SLC38A9: variants seen among roughly 807,000 people sequenced by gnomAD.
SLC38A9 encodes the protein neutral amino acid transporter 9.
In SLC38A9, 48 loss-of-function variants were observed where a neutral mutation model predicts 62.3. That is an observed-to-expected ratio of 0.77 (90% confidence interval 0.61 to 0.98). The LOEUF (loss-of-function observed/expected upper bound fraction) is 0.98, where lower values mean the gene tolerates loss of function less well. Ranked by LOEUF, SLC38A9 falls within the 50% of genes least tolerant of loss-of-function variation. The pLI, the probability that SLC38A9 is intolerant of heterozygous loss-of-function variation, is 0.00. For missense variants in SLC38A9, 541 were observed against 679.8 expected, an observed-to-expected ratio of 0.80 and a Z score of 2.27; for synonymous variants, 204 against 227.7, an observed-to-expected ratio of 0.90 and a Z score of 0.94.
At chr5:55,681,734 G>C (rs1017039646) in intron 3 of SLC38A9, among the ~76,000 whole-genome samples, 1 of 152,190 alleles carries the variant, frequency 6.6e-6, no homozygotes, top group African/African-American at 2.4e-5. Context: ...GCAGTACGAA[G>C]TACAAGTCCC....
At chr5:55,701,040 C>T (rs1756578262) in intron 2 of SLC38A9, among the ~76,000 whole-genome samples, 1 of 152,064 alleles carries the variant, frequency 6.6e-6, no homozygotes, top group East Asian at 1.9e-4. Flanking sequence ...TTAGGTGTGG[C>T]TACTTAAATT....
Position 55,687,065 on chromosome 5 carries a change from G to GTTT in SLC38A9, c.113+10778_113+10780dup, listed in dbSNP as rs56912932. On this transcript the variant is annotated intron_variant, in intron 3 of 15. Transcript: ENST00000396865. ...TGGATAGCATGATGCCTCCAGCTTT[G>GTTT]TTTTTTTTTTTTTTTTTTTTTTTTT... Among the ~76,000 whole-genome samples, 61 of 125,684 alleles carry GTTT rather than the reference G, an allele frequency of 4.9e-4. 3 individuals carry two copies. Among genetic ancestry groups the GTTT allele is most frequent in the African/African-American group, 1.6e-3 (52 of 31,552 alleles). The allele number at this position is 125,684 out of a possible 152,430, so 82.5% of individuals were successfully genotyped here.
intron 12 of SLC38A9, among the ~76,000 whole-genome samples, chr5:55,639,671 G>T (rs1383363645): frequency 6.6e-6 from 1 of 151,966 alleles, no homozygotes; most frequent in East Asian, 1.9e-4. Context: ...TTGCTTAAAG[G>T]TATAATCATT....
At chr5:55,632,760 A>G (rs1466730843) in intron 14 of SLC38A9, among the ~76,000 whole-genome samples, 26 of 152,206 alleles carry the variant, frequency 1.7e-4, no homozygotes, top group Admixed American at 1.6e-3. Context: ...ACTGCAGGTC[A>G]TAAGACTCCC....
At chr5:55,683,129 A>G (rs1753265910) in intron 3 of SLC38A9, among the ~76,000 whole-genome samples, 1 of 152,206 alleles carries the variant, frequency 6.6e-6, no homozygotes, top group Non-Finnish European at 1.5e-5. Context: ...AAGCAGCACA[A>G]TAAATTACAT....
intron 1 of SLC38A9, among the ~76,000 whole-genome samples, chr5:55,711,907 A>G (rs1201445509): frequency 6.6e-6 from 1 of 152,100 alleles, no homozygotes; most frequent in African/African-American, 2.4e-5. Flanking sequence ...CCCCAACCCT[A>G]TCTTTTCTCT....
At chr5:55,685,835 A>G (rs538480474) in intron 3 of SLC38A9, among the ~76,000 whole-genome samples, 24 of 152,034 alleles carry the variant, frequency 1.6e-4, no homozygotes, top group Admixed American at 2.6e-4. Flanking sequence ...CTATGTGTCC[A>G]TGGTGTTCTT....
chr5:55,655,598 G>C (rs919840034), intron 9 of SLC38A9, among the ~76,000 whole-genome samples: 2 of 152,096 alleles, frequency 1.3e-5, no homozygotes, highest in African/African-American at 4.8e-5. Context: ...GGTTTAATTA[G>C]GGGGAAAAGT....
chr5:55,688,411 A>C (rs13159472), intron 3 of SLC38A9, among the ~76,000 whole-genome samples: 4 of 136,828 alleles, frequency 2.9e-5, no homozygotes, highest in African/African-American at 5.5e-5. Context: ...AGACAGTCTC[A>C]CTCTGTTGCC....
chr5:55,706,488 C>A (rs1258548817), intron 2 of SLC38A9, among the ~76,000 whole-genome samples: 1 of 152,128 alleles, frequency 6.6e-6, no homozygotes, highest in Non-Finnish European at 1.5e-5. Flanking sequence ...AAAGTGAAAT[C>A]AAGGTTGGGG....
At chr5:55,642,616 A>T (rs1453389231) in intron 12 of SLC38A9, among the ~76,000 whole-genome samples, 1 of 152,196 alleles carries the variant, frequency 6.6e-6, no homozygotes, top group Non-Finnish European at 1.5e-5. Flanking sequence ...CAGACTGTAA[A>T]TATCAGGAAA....
chr5:55,649,634 C>T (rs1392260391), intron 10 of SLC38A9, among the ~76,000 whole-genome samples: 1 of 152,092 alleles, frequency 6.6e-6, no homozygotes, highest in Non-Finnish European at 1.5e-5. Context: ...CCAAACCGGC[C>T]AACATGGCGA....
intron 2 of SLC38A9, among the ~76,000 whole-genome samples, chr5:55,705,039 C>T (rs576652754): frequency 6.8e-4 from 104 of 152,084 alleles, no homozygotes; most frequent in Non-Finnish European, 1.2e-3. Context: ...AAAAATTACT[C>T]GTTGGAAGGA....
intron 2 of SLC38A9, among the ~76,000 whole-genome samples, chr5:55,706,904 C>T (rs1334641911): frequency 1.3e-5 from 2 of 150,296 alleles, no homozygotes; most frequent in Non-Finnish European, 3.0e-5. Flanking sequence ...AACAACTGTA[C>T]TCGTTGCTCC....
At chr5:55,677,628 C>T (rs1281803238) in intron 3 of SLC38A9, among the ~76,000 whole-genome samples, 1 of 152,010 alleles carries the variant, frequency 6.6e-6, no homozygotes, top group Non-Finnish European at 1.5e-5. Flanking sequence ...CAACAAGAGG[C>T]TCAAGTGATC....
At chr5:55,684,110 T>C (rs989732737) in intron 3 of SLC38A9, among the ~76,000 whole-genome samples, 6 of 152,232 alleles carry the variant, frequency 3.9e-5, no homozygotes, top group Admixed American at 1.3e-4. Flanking sequence ...AATTTATTTT[T>C]TTCATATTTA....
chr5:55,626,769 A>T (rs1742513774), intron 15 of SLC38A9, 110 bp from the exon 16 acceptor site: 2 of 921,144 alleles, frequency 2.2e-6, no homozygotes, highest in South Asian at 6.6e-5. Context: ...CTCAACAAAA[A>T]TTATTTTTGA....
intron 2 of SLC38A9, among the ~76,000 whole-genome samples, chr5:55,708,821 T>C (rs1757631507): frequency 1.3e-5 from 2 of 152,226 alleles, no homozygotes; most frequent in Admixed American, 6.5e-5. Flanking sequence ...CCTGTTAGCA[T>C]GAAAGGCAAT....
At chr5:55,691,811 A>G (rs1296711480) in intron 3 of SLC38A9, among the ~76,000 whole-genome samples, 1 of 152,152 alleles carries the variant, frequency 6.6e-6, no homozygotes, top group Non-Finnish European at 1.5e-5. Flanking sequence ...GGGTATGCAG[A>G]ATAAAAAGTA....
Sources: gnomAD v4.1 joint callset for allele counts (sites outside exome capture counted in the v4.1 genomes callset) on GRCh38, gnomAD v4.1.1 for gene constraint, MANE v1.5 for transcripts, NCBI Gene and HGNC (gene_info 2026-07-23, HGNC 2026-07-21) for gene names.